Variants in MAP3K10 observed in about 807,000 individuals in gnomAD.
The protein encoded by MAP3K10 is MKN28 derived nonreceptor_type serine/threonine kinase.
Under a neutral mutation model 75.0 loss-of-function variants are expected in MAP3K10, and 22 were observed. That is an observed-to-expected ratio of 0.29 (90% CI 0.21 to 0.42). MAP3K10 has a LOEUF of 0.42. Ranked by LOEUF, MAP3K10 falls within the 10% of genes least tolerant of loss-of-function variation. The probability of loss-of-function intolerance (pLI) is 1.00; values close to 1 mark genes in which losing one functional copy is unlikely to be tolerated. For synonymous variants in MAP3K10, 599 were observed against 612.9 expected, an observed-to-expected ratio of 0.98 and a Z score of 0.34; for missense variants, 1,165 against 1,379.8, an observed-to-expected ratio of 0.84 and a Z score of 2.47.
In MAP3K10 at chr19:40,205,835, C is replaced by G; in HGVS notation, c.1189-76C>G. ...ACCCTTGTGTGAGGCACCAACCAGA[C>G]GCAGCAGCCCTGGGTCCCTCCCCAG... On this transcript the variant is annotated intron_variant, in intron 4 of 9. Coordinates refer to ENST00000253055, the MANE Select transcript of MAP3K10 (RefSeq NM_002446.4). This position sits in a 1 kb window ranked among gnomAD's most constrained non-coding sequence, Gnocchi z 4.3. 3.5e-6 allele frequency: 5 copies of G among 1,411,622 alleles called. No homozygotes were observed. Among genetic ancestry groups the G allele is most frequent in the Non-Finnish European group, 4.7e-6 (5 of 1,072,806 alleles). The allele number at this position is 1,411,622 out of a possible 1,614,324, so 87.4% of individuals were successfully genotyped here. A position where few individuals can be genotyped will look rare whatever the true frequency, so the allele number is the denominator to read the frequency against.
chr19:40,215,172 G>T lies in MAP3K10; in HGVS notation c.2745G>T (p.Arg915Ser). The T allele has an allele frequency of 6.2e-7, 1 of 1,603,588 alleles. No homozygotes were observed. The highest frequency in any genetic ancestry group is 8.5e-7 in the Non-Finnish European group (1 of 1,175,970). The stretch of plus-strand genomic sequence containing the variant: ...CACTCACCATCTCGCCTCCCAGCAG[G>T]CCAGACACTCCGGAGAGCCCTGGGC... ...GRTLTISPPS[R>S]PDTPESPGPP... Residue 915 changes from arginine to serine, a missense_variant, in exon 10 of 10, where the codon AGG (arginine) becomes AGT (serine). Physicochemically the swap from Arg to Ser is moderately radical, Grantham distance 110. Transcript: ENST00000253055.
Position 40,212,705 on chromosome 19 carries a change from T to C in MAP3K10, c.1553-100T>C. ...CTGGAGTTCAAAAGAGCCCTTGGAC[T>C]CCCAGGCGGAGGGTGGGCCTGAGCT... On this transcript the variant is annotated intron_variant, in intron 6 of 9. Coordinates refer to ENST00000253055, the MANE Select transcript of MAP3K10 (RefSeq NM_002446.4). The surrounding 1 kb of genome is among the most constrained non-coding windows in gnomAD (Gnocchi z 4.2). The C allele has an allele frequency of 6.8e-7, 1 of 1,463,678 alleles. No homozygotes were observed. The highest frequency in any genetic ancestry group is 9.2e-7 in the Non-Finnish European group (1 of 1,086,422). The allele number at this position is 1,463,678 out of a possible 1,614,324, so 90.7% of individuals were successfully genotyped here. A position where few individuals can be genotyped will look rare whatever the true frequency, so the allele number is the denominator to read the frequency against.
rs776973452 is a variant in MAP3K10 at position 40,198,796 on chromosome 19, G to T, written c.863+241G>T. 2.0e-5 allele frequency among the ~76,000 whole-genome samples: 3 copies of T among 152,258 alleles called. No homozygotes were observed. Among genetic ancestry groups the T allele is most frequent in the Admixed American group, 2.0e-4 (3 of 15,284 alleles). ...AGGATCTAGAGACAAGGCCGGGCGC[G>T]GGGGCGCACACCTGTAATCCCAGCA... On this transcript the variant is annotated intron_variant, in intron 2 of 9. Coordinates refer to ENST00000253055, the MANE Select transcript of MAP3K10 (RefSeq NM_002446.4). This position sits in a 1 kb window ranked among gnomAD's most constrained non-coding sequence, Gnocchi z 4.3.
At position 40,201,023 on chromosome 19, in the gene MAP3K10, G is replaced by A. The variant is rs113065005; in HGVS notation, c.863+2468G>A. On this transcript the variant is annotated intron_variant, in intron 2 of 9. Transcript: ENST00000253055. Reference sequence around the variant, plus strand: ...ATTCTCAGTCATTATTACAATCACAGTAACCCCATAGGTTTCCAAGGACAT... The same window carrying A: ...ATTCTCAGTCATTATTACAATCACAATAACCCCATAGGTTTCCAAGGACAT... Among the ~76,000 whole-genome samples, 1,040 of 152,200 alleles carry A rather than the reference G, an allele frequency of 6.8e-3. 13 individuals are homozygous for A. The highest frequency in any genetic ancestry group is 0.024 in the African/African-American group (981 of 41,536).
chr19:40,197,312 C>T (rs1972924594), intron 1 of MAP3K10, among the ~76,000 whole-genome samples: 2 of 151,986 alleles, frequency 1.3e-5, no homozygotes, highest in South Asian at 4.2e-4. Context: ...GTGCACTCTG[C>T]CTTTGTTTTT....
At position 40,192,269 on chromosome 19, in the gene MAP3K10, G is replaced by GC. The variant is rs1255962502; in HGVS notation, c.243dup (p.Ala82ArgfsTer51). The GC allele has an allele frequency of 6.2e-7, 1 of 1,601,342 alleles. No homozygotes were observed. Among genetic ancestry groups the GC allele is most frequent in the African/African-American group, 1.3e-5 (1 of 74,662 alleles). Reference sequence around the variant, plus strand: ...CCCCAGCAACTACGTGGCCCCCGGCGCCCCCGCTGCACCCGCGGGCCTCCA... The same window carrying GC: ...CCCCAGCAACTACGTGGCCCCCGGCGCCCCCCGCTGCACCCGCGGGCCTCCA... On this transcript the variant is annotated frameshift_variant, in exon 1 of 10. Transcript: ENST00000253055. LOFTEE classifies it high-confidence loss of function. The surrounding 1 kb of genome is among the most constrained non-coding windows in gnomAD (Gnocchi z 7.1).
At chr19:40,201,469 AG>A (rs1171870072) in intron 2 of MAP3K10, among the ~76,000 whole-genome samples, 3 of 148,526 alleles carry the variant, frequency 2.0e-5, no homozygotes, top group Non-Finnish European at 3.0e-5. Flanking sequence ...CTGGGATTAC[AG>A]GCGTCAGCCA....
chr19:40,214,002 T>TCCCCCCCACCCACCCCCCCCCCC lies in MAP3K10; in HGVS notation c.2327_2328insCCCACCCACCCCCCCCCCCCCCC (p.Ser779ThrfsTer51). ...TGACGAGGCCGCACCGGCCGCGCCCTCCCCACCACCCTCCCCGCCCGCGCC... is the reference window on the plus strand; with the variant it reads ...TGACGAGGCCGCACCGGCCGCGCCCTCCCCCCCACCCACCCCCCCCCCCCCCCACCACCCTCCCCGCCCGCGCC... On this transcript the variant is annotated frameshift_variant, in exon 9 of 10. Transcript: ENST00000253055. LOFTEE classifies it high-confidence loss of function. The TCCCCCCCACCCACCCCCCCCCCC allele has an allele frequency of 6.7e-7, 1 of 1,493,670 alleles. No homozygotes were observed. 92.5% of individuals were successfully genotyped at this position (1,493,670 alleles called of 1,614,324 possible). A position where few individuals can be genotyped will look rare whatever the true frequency, so the allele number is the denominator to read the frequency against.
chr19:40,192,544 C>G lies in MAP3K10; in HGVS notation c.513C>G (p.Cys171Trp), dbSNP rs766405261. Residue 171 changes from cysteine to tryptophan, a missense_variant, in exon 1 of 10, where the codon TGC (cysteine) becomes TGG (tryptophan). Physicochemically the swap from Cys to Trp is radical, Grantham distance 215. Around this residue, in one of 2 missense-constraint regions of MAP3K10, gnomAD observed 575 missense variants for 793.2 expected, o/e 0.72. Coordinates refer to ENST00000253055, the MANE Select transcript of MAP3K10 (RefSeq NM_002446.4). This position sits in a 1 kb window ranked among gnomAD's most constrained non-coding sequence, Gnocchi z 7.1. ...CCTGCCTCAACCCCCCACACCTCTG[C>G]CTAGTGATGGAGTATGCCCGGGGTG... ...RGACLNPPHL[C>W]LVMEYARGGA... is the part of the protein sequence containing the mutation. 8.1e-6 allele frequency: 13 copies of G among 1,613,362 alleles called. No individual in the cohort carries two copies. The highest frequency in any genetic ancestry group is 1.1e-5 in the Non-Finnish European group (13 of 1,179,912).
chr19:40,205,247 G>A lies in MAP3K10; in HGVS notation c.1139G>A (p.Trp380Ter). Reference protein sequence around the residue: ...LESFHSLQEDWKLEIQHMFDD... With the variant: ...LESFHSLQED Reference sequence around the variant, plus strand: ...TCCTTCCACTCGCTGCAGGAAGACTGGAAGCTGGAGATTCAGCACATGTTT... The same window carrying A: ...TCCTTCCACTCGCTGCAGGAAGACTAGAAGCTGGAGATTCAGCACATGTTT... Residue 380 changes from tryptophan to a stop codon, truncating the protein, a stop_gained, in exon 4 of 10, where the codon TGG becomes TAG. Transcript: ENST00000253055. LOFTEE classifies it high-confidence loss of function. The surrounding 1 kb of genome is among the most constrained non-coding windows in gnomAD (Gnocchi z 4.3). The A allele has an allele frequency of 6.2e-7, 1 of 1,614,140 alleles. No homozygotes were observed.
chr19:40,192,601 G>A lies in MAP3K10; in HGVS notation c.570G>A (p.Arg190=), dbSNP rs1224116106. The change falls in exon 1 of 10, where the codon CGG becomes CGA. Residue 190 remains arginine (R), a synonymous_variant. Coordinates refer to ENST00000253055, the MANE Select transcript of MAP3K10 (RefSeq NM_002446.4). The surrounding 1 kb of genome is among the most constrained non-coding windows in gnomAD (Gnocchi z 7.1). The part of the protein sequence containing the change: ...GALSRVLAGR[R]VPPHVLVNWA... ...TGAGCAGGGTGCTGGCAGGTCGCCG[G>A]GTGCCACCTCACGTGCTGGTCAACT... The A allele has an allele frequency of 2.5e-6, 4 of 1,612,452 alleles. No individual in the cohort carries two copies. The Admixed American group carries it at 6.7e-5, about 27-fold the overall frequency.
At position 40,213,017 on chromosome 19, in the gene MAP3K10, C is replaced by G; in HGVS notation, c.1724+41C>G. On this transcript the variant is annotated intron_variant, in intron 7 of 9. Transcript: ENST00000253055. This position sits in a 1 kb window ranked among gnomAD's most constrained non-coding sequence, Gnocchi z 5.7. ...GTCATGCCCACCCTGTGCCCAAGCC[C>G]CAGCTCCCAGGCTCCAGGCCACAGG... 1 of 1,593,390 alleles carries G rather than the reference C, an allele frequency of 6.3e-7. No homozygotes were observed. Among genetic ancestry groups the G allele is most frequent in the Non-Finnish European group, 8.6e-7 (1 of 1,168,550 alleles).
intron 2 of MAP3K10, among the ~76,000 whole-genome samples, chr19:40,201,167 G>GT (rs986113003): frequency 1.1e-4 from 16 of 146,770 alleles, no homozygotes; most frequent in African/African-American, 4.0e-4. Context: ...GAGCTCCAGC[G>GT]TTTTTTGTTT....
Position 40,209,186 on chromosome 19 carries a change from C to T in MAP3K10, c.1519C>T (p.Pro507Ser). The T allele has an allele frequency of 6.2e-7, 1 of 1,614,188 alleles. No homozygotes were observed. The highest frequency in any genetic ancestry group is 8.5e-7 in the Non-Finnish European group (1 of 1,180,008). ...GSDGASPPAS[P>S]SIIPRLRAIR... ...CGATGGGGCCAGCCCCCCTGCAAGC[C>T]CCAGCATCATCCCCCGGCTGAGGGC... Residue 507 changes from proline to serine, a missense_variant, in exon 6 of 10, where the codon CCC becomes TCC. By Grantham distance (74) the Pro-to-Ser change is moderately conservative (BLOSUM62 -1). This residue lies in a region of MAP3K10 where 575 missense variants were observed against 793.2 expected (regional missense o/e 0.72). Coordinates refer to ENST00000253055, the MANE Select transcript of MAP3K10 (RefSeq NM_002446.4).
rs1421953176 is a variant in MAP3K10 at position 40,205,634 on chromosome 19, G to T, written c.1189-277G>T. The stretch of plus-strand genomic sequence containing the variant: ...GAAATTGGATGATGGGTACAGGGGG[G>T]TGCACTGTTCTCTGCTTTTGTGGAT... On this transcript the variant is annotated intron_variant, in intron 4 of 9. Coordinates refer to ENST00000253055, the MANE Select transcript of MAP3K10 (RefSeq NM_002446.4). This position sits in a 1 kb window ranked among gnomAD's most constrained non-coding sequence, Gnocchi z 4.3. 3 of 527,410 alleles carry T rather than the reference G, an allele frequency of 5.7e-6. No individual in the cohort carries two copies. Among genetic ancestry groups the T allele is most frequent in the Non-Finnish European group, 1.0e-5 (3 of 300,002 alleles). 32.7% of individuals were successfully genotyped at this position (527,410 alleles called of 1,614,324 possible). A position where few individuals can be genotyped will look rare whatever the true frequency, so the allele number is the denominator to read the frequency against.
chr19:40,207,240 T>TC (rs1973140718), intron 5 of MAP3K10, among the ~76,000 whole-genome samples: 1 of 152,090 alleles, frequency 6.6e-6, no homozygotes, highest in Non-Finnish European at 1.5e-5. Flanking sequence ...ATTTTTTTTT[T>TC]CCCCACACTG....
Position 40,215,437 on chromosome 19 carries a change from A to C in MAP3K10, c.*145A>C. 9 of 750,500 alleles carry C rather than the reference A, an allele frequency of 1.2e-5. No individual in the cohort carries two copies. The highest frequency in any genetic ancestry group is 2.8e-5 in the East Asian group (1 of 35,848). The allele number at this position is 750,500 out of a possible 1,614,324, so 46.5% of individuals were successfully genotyped here. On this transcript the variant is annotated 3_prime_UTR_variant, in exon 10 of 10. Coordinates refer to ENST00000253055, the MANE Select transcript of MAP3K10 (RefSeq NM_002446.4). ...GAAGGAGGGAGGGGGGGGACACTTA[A>C]CTTATTCCTTTGTACCCCAGGGGGT... is the stretch of plus-strand genomic sequence containing the variant.
chr19:40,203,331 T>C (rs1973058938), intron 2 of MAP3K10, among the ~76,000 whole-genome samples: 1 of 150,542 alleles, frequency 6.6e-6, no homozygotes, highest in Non-Finnish European at 1.5e-5. Context: ...AGAGACTTTG[T>C]CTCAAAAAAA....
At position 40,215,021 on chromosome 19, in the gene MAP3K10, T is replaced by G. The variant is rs1401707691; in HGVS notation, c.2594T>G (p.Phe865Cys). ...FPRLPDPQAL[F>C]PARRRPPEFP... is the part of the protein sequence containing the mutation. ...CGCCTGCCCGACCCCCAGGCCCTGT[T>G]CCCAGCCCGCCGCCGGCCCCCTGAG... The change falls in exon 10 of 10, where the codon TTC becomes TGC. Residue 865 changes from phenylalanine to cysteine, a missense_variant. This residue lies in a region of MAP3K10 where 590 missense variants were observed against 586.6 expected (regional missense o/e 1.01). Transcript: ENST00000253055. 1 of 1,599,568 alleles carries G rather than the reference T, an allele frequency of 6.3e-7. No homozygotes were observed. The highest frequency in any genetic ancestry group is 1.4e-5 in the African/African-American group (1 of 73,872).
Sources: gnomAD v4.1 joint callset for allele counts (sites outside exome capture counted in the v4.1 genomes callset) on GRCh38, gnomAD v4.1.1 for gene constraint, gnomAD v4.1.1 regional missense constraint, Gnocchi (gnomAD v3.1) non-coding constraint, MANE v1.5 for transcripts, NCBI Gene and HGNC (gene_info 2026-07-23, HGNC 2026-07-21) for gene names.